The following FMN1 variants were observed in gnomAD, a reference collection of about 807,000 sequenced individuals.
FMN1 encodes the protein formin 1.
Under a neutral mutation model 132.4 loss-of-function variants are expected in FMN1, and 110 were observed. The observed-to-expected ratio is 0.83, with a 90% CI of 0.71 to 0.97. The LOEUF (loss-of-function observed/expected upper bound fraction) is 0.97, where lower values mean the gene tolerates loss of function less well. Ranked by LOEUF, FMN1 falls within the 50% of genes least tolerant of loss-of-function variation. The pLI is 0.00. For missense variants in FMN1, 1,792 were observed against 1,705.3 expected (o/e 1.05, Z -0.90); for synonymous variants, 722 against 651.7 (o/e 1.11, Z -1.64).
At chr15:32,798,178 G>GCACACACA (rs59587193) in intron 19 of FMN1, among the ~76,000 whole-genome samples, 1 of 147,100 alleles carries the variant, frequency 6.8e-6, no homozygotes, top group African/African-American at 2.5e-5. Flanking sequence ...TAAGGAAAAC[G>GCACACACA]CACACACACA....
intron 3 of FMN1, among the ~76,000 whole-genome samples, chr15:33,174,466 T>A (rs1965443278): frequency 6.6e-6 from 1 of 152,246 alleles, no homozygotes; most frequent in Non-Finnish European, 1.5e-5. Context: ...GTATTTTGTG[T>A]ACATTATGTT....
intron 10 of FMN1, among the ~76,000 whole-genome samples, chr15:32,923,006 A>G (rs951870070): frequency 9.2e-5 from 14 of 152,320 alleles, no homozygotes; most frequent in Admixed American, 9.1e-4. Context: ...TTGTTGTAAG[A>G]AGGAATACTC....
intron 7 of FMN1, among the ~76,000 whole-genome samples, chr15:33,007,113 T>C (rs375784151): frequency 2.6e-5 from 4 of 152,188 alleles, no homozygotes; most frequent in Admixed American, 1.3e-4. Context: ...ACAAAGTATA[T>C]ATTAATTAGC....
intron 9 of FMN1, among the ~76,000 whole-genome samples, chr15:32,929,980 AATTTTTTTT>A (rs2061066504): frequency 1.6e-5 from 2 of 126,138 alleles, no homozygotes; most frequent in African/African-American, 6.9e-5. Flanking sequence ...TCTATTTTTA[AATTTTTTTT>A]TTTTTTTTTT....
chr15:32,781,445 C>A (rs1047602879), intron 19 of FMN1, among the ~76,000 whole-genome samples: 1 of 151,926 alleles, frequency 6.6e-6, no homozygotes, highest in Non-Finnish European at 1.5e-5. Flanking sequence ...GTGCACTGGA[C>A]AATAAATTAA....
At chr15:32,897,114 T>C (rs1253832334) in intron 15 of FMN1, among the ~76,000 whole-genome samples, 1 of 152,204 alleles carries the variant, frequency 6.6e-6, no homozygotes, top group Admixed American at 6.5e-5. Context: ...TAGTTTTTAT[T>C]AACAGCCATC....
chr15:32,826,356 G>A (rs1055045204), intron 17 of FMN1, among the ~76,000 whole-genome samples: 1 of 152,244 alleles, frequency 6.6e-6, no homozygotes, highest in African/African-American at 2.4e-5. Flanking sequence ...AACAGTGAAG[G>A]TGTTGAAAGA....
intron 8 of FMN1, among the ~76,000 whole-genome samples, chr15:32,966,482 G>A (rs754175385): frequency 1.3e-5 from 2 of 152,108 alleles, no homozygotes; most frequent in Non-Finnish European, 2.9e-5. Flanking sequence ...AAGGAAGGCA[G>A]GGGGAGAGAG....
At position 33,156,332 on chromosome 15, in the gene FMN1, G is replaced by C. The variant is rs541899213; in HGVS notation, c.-131-1287C>G. Reference sequence around the variant, plus strand: ...TTCTTGCTCTGTCGCTTAGGCTGGAGTACAGTGGTGCAAACATGGCTCACT... The same window carrying C: ...TTCTTGCTCTGTCGCTTAGGCTGGACTACAGTGGTGCAAACATGGCTCACT... On this transcript the variant is annotated intron_variant, in intron 3 of 20. Coordinates refer to ENST00000616417, the MANE Select transcript of FMN1 (RefSeq NM_001277313.2). Among the ~76,000 whole-genome samples, 9 of 139,184 alleles carry C rather than the reference G, an allele frequency of 6.5e-5. No individual in the cohort carries two copies. The East Asian group carries it at 2.0e-3, about 31-fold the overall frequency. The allele number at this position is 139,184 out of a possible 152,430, so 91.3% of individuals were successfully genotyped here. A position where few individuals can be genotyped will look rare whatever the true frequency, so the allele number is the denominator to read the frequency against.
intron 7 of FMN1, among the ~76,000 whole-genome samples, chr15:32,984,725 T>C (rs1286316923): frequency 6.6e-6 from 1 of 152,088 alleles, no homozygotes; most frequent in East Asian, 1.9e-4. Context: ...CGTGAACACA[T>C]TGTGGCTAAG....
chr15:32,989,086 G>A (rs1393543867), intron 7 of FMN1, among the ~76,000 whole-genome samples: 2 of 151,684 alleles, frequency 1.3e-5, no homozygotes, highest in Non-Finnish European at 2.9e-5. Context: ...TTGTCTCTGA[G>A]TTTGAAAAAT....
chr15:32,820,093 A>C (rs1348352125), intron 17 of FMN1, among the ~76,000 whole-genome samples: 2 of 152,202 alleles, frequency 1.3e-5, no homozygotes, highest in African/African-American at 4.8e-5. Context: ...ACTTCCAACC[A>C]AAATCCATCA....
At chr15:33,137,811 G>A (rs1302465711) in intron 4 of FMN1, among the ~76,000 whole-genome samples, 1 of 152,142 alleles carries the variant, frequency 6.6e-6, no homozygotes. Flanking sequence ...TTGCCCTTCT[G>A]CTGTGTTCCA....
chr15:32,907,090 C>T (rs549864123), intron 12 of FMN1, among the ~76,000 whole-genome samples: 2 of 152,252 alleles, frequency 1.3e-5, no homozygotes, highest in African/African-American at 4.8e-5. Context: ...GCACAGGGAC[C>T]GGTTTCGAGG....
chr15:32,802,254 T>G (rs2057505270), intron 18 of FMN1, among the ~76,000 whole-genome samples: 2 of 152,228 alleles, frequency 1.3e-5, no homozygotes, highest in African/African-American at 4.8e-5. Flanking sequence ...CAAACATTTT[T>G]AAAGTACAGA....
chr15:33,081,177 G>A (rs1042608870), intron 5 of FMN1, among the ~76,000 whole-genome samples: 5 of 152,100 alleles, frequency 3.3e-5, no homozygotes, highest in Admixed American at 6.5e-5. Context: ...AGCCTGGACC[G>A]TTTTCTCCAC....
At chr15:32,848,198 T>C (rs58581756) in intron 17 of FMN1, among the ~76,000 whole-genome samples, 31,656 of 152,094 alleles carry the variant, frequency 0.21, 3,408 homozygotes, top group East Asian at 0.33. Flanking sequence ...TTAGGGTTCA[T>C]GTTACATACC....
At chr15:33,093,882 A>T (rs1419221056) in intron 4 of FMN1, among the ~76,000 whole-genome samples, 1 of 152,222 alleles carries the variant, frequency 6.6e-6, no homozygotes, top group Non-Finnish European at 1.5e-5. Flanking sequence ...AATTCAAATA[A>T]AATAAAACAA....
chr15:32,934,121 T>C (rs1333700072), intron 9 of FMN1, among the ~76,000 whole-genome samples: 1 of 152,146 alleles, frequency 6.6e-6, no homozygotes, highest in East Asian at 1.9e-4. Flanking sequence ...TTTTTGTTGT[T>C]GTATCTCCTA....
Sources: allele counts gnomAD v4.1 joint callset (sites outside exome capture counted in the v4.1 genomes callset), GRCh38; gene constraint gnomAD v4.1.1; transcripts MANE v1.5; gene names NCBI Gene and HGNC (gene_info 2026-07-23, HGNC 2026-07-21).